The following TOGARAM1 variants were observed in gnomAD, a reference collection of about 807,000 sequenced individuals.
TOGARAM1 encodes TOG array regulator of axonemal microtubules 1, also known as TOG array regulator of axonemal microtubules protein 1.
A neutral mutation model predicts 166.6 loss-of-function variants in TOGARAM1; 100 were observed. The observed-to-expected ratio is 0.60, with a 90% confidence interval of 0.51 to 0.71. The LOEUF is 0.71. Ranked by LOEUF, TOGARAM1 falls within the 30% of genes least tolerant of loss-of-function variation. The pLI, the probability that TOGARAM1 is intolerant of heterozygous loss-of-function variation, is 0.00. For synonymous variants in TOGARAM1, 758 were observed against 763.8 expected (o/e 0.99, Z 0.13); for missense variants, 2,029 against 2,102.7 (o/e 0.96, Z 0.69).
intron 5 of TOGARAM1, 104 bp from the exon 6 acceptor site, chr14:45,008,809 A>G (rs933541079): frequency 1.3e-6 from 1 of 742,950 alleles, no homozygotes; most frequent in Non-Finnish European, 2.2e-6. Context: ...CAGGATTGGG[A>G]AGTGGTTAGC....
chr14:45,009,153 A>G lies in TOGARAM1; in HGVS notation c.3137+8A>G. 1 of 1,589,742 alleles carries G rather than the reference A, an allele frequency of 6.3e-7. No individual in the cohort carries two copies. Among genetic ancestry groups the G allele is most frequent in the Non-Finnish European group, 8.6e-7 (1 of 1,160,846 alleles). Reference sequence around the variant, plus strand: ...CCAGGGGAAGAGAATAATGTATTTTATTTTTTGACGTGATAAATGAATGTT... The same window carrying G: ...CCAGGGGAAGAGAATAATGTATTTTGTTTTTTGACGTGATAAATGAATGTT... On this transcript the variant is annotated splice_region_variant and intron_variant, in intron 6 of 19. Coordinates refer to ENST00000361462, the MANE Select transcript of TOGARAM1 (RefSeq NM_001308120.2).
At chr14:44,993,791 C>T (rs1218111377) in intron 1 of TOGARAM1, among the ~76,000 whole-genome samples, 1 of 152,148 alleles carries the variant, frequency 6.6e-6, no homozygotes, top group African/African-American at 2.4e-5. Context: ...ATGCACACAC[C>T]ACCACCCTCA....
intron 1 of TOGARAM1, 141 bp downstream of exon 1, chr14:44,964,608 G>A (rs577489855): frequency 1.2e-4 from 113 of 970,572 alleles, no homozygotes; most frequent in Admixed American, 1.5e-4. Flanking sequence ...CTGAATGTTG[G>A]TACTCATTAT....
chr14:45,007,097 A>C (rs1470826414), intron 5 of TOGARAM1: 1 of 151,522 alleles, frequency 6.6e-6, no homozygotes, highest in African/African-American at 2.4e-5. Flanking sequence ...TACATATATA[A>C]ATGCAAATAC....
intron 4 of TOGARAM1, among the ~76,000 whole-genome samples, chr14:45,004,784 C>T (rs114686718): frequency 0.046 from 6,949 of 151,906 alleles, 504 homozygotes; most frequent in African/African-American, 0.16. Context: ...TGAACATGAA[C>T]AACATATGTT....
At chr14:45,031,649 A>C (rs1256367943) in intron 10 of TOGARAM1, among the ~76,000 whole-genome samples, 1 of 152,188 alleles carries the variant, frequency 6.6e-6, no homozygotes, top group African/African-American at 2.4e-5. Flanking sequence ...ATGACTCATG[A>C]CTGAAAAATT....
chr14:44,977,401 AT>A (rs1009404478), intron 1 of TOGARAM1, among the ~76,000 whole-genome samples: 3 of 150,898 alleles, frequency 2.0e-5, no homozygotes, highest in African/African-American at 4.9e-5. Flanking sequence ...TGCCCAGCTA[AT>A]TTTTTTTGTA....
intron 18 of TOGARAM1, among the ~76,000 whole-genome samples, chr14:45,069,228 G>T (rs941356571): frequency 5.3e-5 from 8 of 151,958 alleles, no homozygotes; most frequent in Non-Finnish European, 1.0e-4. Context: ...AATTAGCTGG[G>T]TGTGGTGGTG....
chr14:45,066,543 C>T (rs766767697), intron 16 of TOGARAM1, 35 bp from the exon 17 acceptor site: 114 of 1,510,576 alleles, frequency 7.5e-5, no homozygotes, highest in Non-Finnish European at 1.0e-4. Flanking sequence ...TAGGAAAGTA[C>T]AAATGAAATT....
intron 6 of TOGARAM1, among the ~76,000 whole-genome samples, chr14:45,010,464 T>G (rs1022973584): frequency 6.6e-6 from 1 of 152,202 alleles, no homozygotes; most frequent in Non-Finnish European, 1.5e-5. Context: ...TTTTATGATC[T>G]TCCATGAAGA....
chr14:45,064,841 T>C (rs922805782), intron 16 of TOGARAM1, among the ~76,000 whole-genome samples: 2 of 152,212 alleles, frequency 1.3e-5, no homozygotes, highest in Non-Finnish European at 2.9e-5. Context: ...TTTCTGTTTC[T>C]TTTTCTTCTT....
rs992666288 is a variant in TOGARAM1, at chr14:44,962,306, G to A, written c.-116G>A. ...GGCGGCCTGGCGGCAGGCTGAAGCT[G>A]TTCTTTTGCCTCTTCTGCAGCTTGG... On this transcript the variant is annotated 5_prime_UTR_variant, in exon 1 of 20. Transcript: ENST00000361462. The A allele has an allele frequency of 9.8e-6, 13 of 1,329,426 alleles. No homozygotes were observed. The African/African-American group carries it at 1.3e-4, about 14-fold the overall frequency. 82.4% of individuals were successfully genotyped at this position (1,329,426 alleles called of 1,614,324 possible).
intron 1 of TOGARAM1, among the ~76,000 whole-genome samples, chr14:44,964,820 A>G (rs925208331): frequency 1.3e-5 from 2 of 152,118 alleles, no homozygotes; most frequent in Non-Finnish European, 2.9e-5. Context: ...AGATGAGGCC[A>G]GTTTCACACA....
chr14:44,992,830 G>A (rs1353759084), intron 1 of TOGARAM1, among the ~76,000 whole-genome samples: 1 of 151,480 alleles, frequency 6.6e-6, no homozygotes, highest in Middle Eastern at 3.2e-3. Context: ...TGTTAGCCAG[G>A]ATGGTCTCGA....
Position 45,073,354 on chromosome 14 carries a change from T to C in TOGARAM1, c.5115T>C (p.Val1705=). 6.2e-7 allele frequency: 1 copy of C among 1,614,190 alleles called. No individual in the cohort carries two copies. Among genetic ancestry groups the C allele is most frequent in the Non-Finnish European group, 8.5e-7 (1 of 1,180,034 alleles). Reference sequence around the variant, plus strand: ...ATGCCACAGAGCAGAAAGTGTTGGTTGTTTTATGGCATCTCTTAGGAAATA... The same window carrying C: ...ATGCCACAGAGCAGAAAGTGTTGGTCGTTTTATGGCATCTCTTAGGAAATA... ...KPHATEQKVL[V]VLWHLLGNMT... The change falls in exon 20 of 20, where the codon GTT becomes GTC. Residue 1705 remains valine, a synonymous_variant. Coordinates refer to ENST00000361462, the MANE Select transcript of TOGARAM1 (RefSeq NM_001308120.2).
intron 1 of TOGARAM1, among the ~76,000 whole-genome samples, chr14:44,983,564 A>G (rs571130764): frequency 1.3e-5 from 2 of 152,308 alleles, no homozygotes; most frequent in Non-Finnish European, 2.9e-5. Context: ...CAAGGCTTCC[A>G]GATTCTGTTA....
chr14:45,022,812 C>CTTTCCT (rs1880601403), intron 7 of TOGARAM1: 1 of 151,888 alleles, frequency 6.6e-6, no homozygotes, highest in Admixed American at 6.6e-5. Context: ...TTTCCCTTTC[C>CTTTCCT]TTTCCTTTCT....
intron 5 of TOGARAM1, chr14:45,006,789 T>A (rs1387214586): frequency 6.6e-6 from 1 of 152,224 alleles, no homozygotes; most frequent in Non-Finnish European, 1.5e-5. Flanking sequence ...TGGCTTATGA[T>A]CAGTCTTTTG....
At chr14:45,010,384 C>T (rs1879718411) in intron 6 of TOGARAM1, among the ~76,000 whole-genome samples, 1 of 152,172 alleles carries the variant, frequency 6.6e-6, no homozygotes, top group African/African-American at 2.4e-5. Flanking sequence ...TTTGGAATGA[C>T]AGCATGGTCT....
Sources: allele counts gnomAD v4.1 joint callset (sites outside exome capture counted in the v4.1 genomes callset), GRCh38; gene constraint gnomAD v4.1.1; transcripts MANE v1.5; gene names NCBI Gene and HGNC (gene_info 2026-07-23, HGNC 2026-07-21).